EDIL3: variants seen among roughly 807,000 people sequenced by gnomAD.
EDIL3 encodes EGF like and discoidin domains 3.
EDIL3 carries 37 observed loss-of-function variants against 67.4 expected under a neutral mutation model. The ratio of observed to expected loss-of-function variants is 0.55; its 90% confidence interval spans 0.42 to 0.72. The LOEUF (loss-of-function observed/expected upper bound fraction) is 0.72. Ranked by LOEUF, EDIL3 falls within the 30% of genes least tolerant of loss-of-function variation. The probability of loss-of-function intolerance (pLI) is 0.00; values close to 1 mark genes in which losing one functional copy is unlikely to be tolerated. For missense variants in EDIL3, 527 were observed against 586.3 expected (o/e 0.90, Z 1.04); for synonymous variants, 195 against 196.3 (o/e 0.99, Z 0.05).
chr5:84,185,884 T>C (rs895551189), intron 3 of EDIL3, among the ~76,000 whole-genome samples: 2 of 152,130 alleles, frequency 1.3e-5, no homozygotes, highest in African/African-American at 2.4e-5. Flanking sequence ...ATAATCTCAT[T>C]AACTGTTTGA....
chr5:84,054,260 T>C (rs1450054198), intron 9 of EDIL3, among the ~76,000 whole-genome samples: 2 of 152,156 alleles, frequency 1.3e-5, no homozygotes, highest in Admixed American at 6.5e-5. Context: ...TTTCAACAAC[T>C]CTTCATGCTA....
intron 4 of EDIL3, among the ~76,000 whole-genome samples, chr5:84,161,145 T>A (rs1050179134): frequency 7.9e-5 from 12 of 152,044 alleles, no homozygotes; most frequent in African/African-American, 2.9e-4. Flanking sequence ...TCTAATACCA[T>A]CCAGGCTGTT....
intron 5 of EDIL3, among the ~76,000 whole-genome samples, chr5:84,127,355 TA>T (rs945868318): frequency 6.6e-6 from 1 of 152,136 alleles, no homozygotes; most frequent in African/African-American, 2.4e-5. Flanking sequence ...TTTGGAGCTC[TA>T]AAAAGAACGT....
chr5:84,126,774 T>C (rs1747876690), intron 5 of EDIL3, among the ~76,000 whole-genome samples: 1 of 152,110 alleles, frequency 6.6e-6, no homozygotes, highest in Non-Finnish European at 1.5e-5. Flanking sequence ...TTGCGATCCT[T>C]ACCTAGGGTT....
chr5:84,193,935 A>T (rs1402056498), intron 3 of EDIL3, among the ~76,000 whole-genome samples: 1 of 152,014 alleles, frequency 6.6e-6, no homozygotes, highest in African/African-American at 2.4e-5. Flanking sequence ...ACATTTTAGG[A>T]GAAAATGTTC....
At chr5:84,355,518 G>A (rs1411770733) in intron 1 of EDIL3, among the ~76,000 whole-genome samples, 2 of 151,994 alleles carry the variant, frequency 1.3e-5, no homozygotes, top group Non-Finnish European at 2.9e-5. Context: ...CAGTTTGTTG[G>A]TTTTCCTTTT....
At chr5:84,231,735 G>A (rs565592661) in intron 2 of EDIL3, among the ~76,000 whole-genome samples, 6 of 152,234 alleles carry the variant, frequency 3.9e-5, no homozygotes, top group South Asian at 4.1e-4. Flanking sequence ...GCTGTTTGCC[G>A]CTTTATCATG....
chr5:84,023,396 G>A (rs905307497), intron 9 of EDIL3, among the ~76,000 whole-genome samples: 11 of 151,854 alleles, frequency 7.2e-5, no homozygotes, highest in Non-Finnish European at 1.5e-4. Flanking sequence ...AATTACCTTT[G>A]ACACATCTTT....
intron 5 of EDIL3, among the ~76,000 whole-genome samples, chr5:84,127,419 A>G (rs1359924792): frequency 6.6e-6 from 1 of 152,120 alleles, no homozygotes; most frequent in Non-Finnish European, 1.5e-5. Flanking sequence ...ATTTCTTTTT[A>G]GGACTTTAGT....
At chr5:84,024,636 T>C (rs1472397593) in intron 9 of EDIL3, among the ~76,000 whole-genome samples, 1 of 152,106 alleles carries the variant, frequency 6.6e-6, no homozygotes, top group East Asian at 1.9e-4. Flanking sequence ...GTTTCTATCA[T>C]GAATCTCTGA....
intron 1 of EDIL3, among the ~76,000 whole-genome samples, chr5:84,330,368 A>G (rs1013634403): frequency 2.6e-5 from 4 of 152,172 alleles, no homozygotes; most frequent in African/African-American, 9.6e-5. Context: ...TGCAATTATT[A>G]TGGAAGAATT....
intron 4 of EDIL3, among the ~76,000 whole-genome samples, chr5:84,174,895 A>G (rs887211663): frequency 1.3e-5 from 2 of 152,154 alleles, no homozygotes; most frequent in African/African-American, 4.8e-5. Flanking sequence ...CCCTGGGGAA[A>G]TCACGGAAGA....
intron 4 of EDIL3, among the ~76,000 whole-genome samples, chr5:84,140,138 T>C (rs996024426): frequency 1.3e-5 from 2 of 152,150 alleles, no homozygotes; most frequent in African/African-American, 4.8e-5. Flanking sequence ...ATATGTGAGA[T>C]GGACTTGAGA....
intron 9 of EDIL3, among the ~76,000 whole-genome samples, chr5:84,053,829 C>CA (rs935579122): frequency 2.0e-5 from 3 of 151,960 alleles, no homozygotes; most frequent in African/African-American, 7.3e-5. Context: ...GCTTACCAAC[C>CA]AAAAAAAGTC....
chr5:84,116,191 C>A (rs375633074), intron 5 of EDIL3, among the ~76,000 whole-genome samples: 715 of 116,024 alleles, frequency 6.2e-3, no homozygotes, highest in Middle Eastern at 0.024. Context: ...TTCCAGAGGT[C>A]AAAAAAAAAA....
chr5:84,150,825 A>G (rs982761059), intron 4 of EDIL3, among the ~76,000 whole-genome samples: 1 of 152,182 alleles, frequency 6.6e-6, no homozygotes, highest in African/African-American at 2.4e-5. Flanking sequence ...ACTTGTATGG[A>G]TGTTCATAGC....
chr5:84,183,539 G>A (rs164065), intron 3 of EDIL3, among the ~76,000 whole-genome samples: 58,446 of 151,924 alleles, frequency 0.38, 11,480 homozygotes, highest in South Asian at 0.49. Context: ...CAACTTTCCA[G>A]TTTTGCAGGT....
At chr5:83,944,339 T>A (rs1744275802) in intron 10 of EDIL3, among the ~76,000 whole-genome samples, 1 of 151,816 alleles carries the variant, frequency 6.6e-6, no homozygotes, top group Non-Finnish European at 1.5e-5. Context: ...ATATGACTTA[T>A]AATATCCTGA....
intron 1 of EDIL3, among the ~76,000 whole-genome samples, chr5:84,325,117 A>G (rs796076801): frequency 6.6e-6 from 1 of 151,938 alleles, no homozygotes; most frequent in South Asian, 2.1e-4. Context: ...ACATCAAAAG[A>G]AAAAATAGAC....
Sources: gnomAD v4.1 joint callset for allele counts (sites outside exome capture counted in the v4.1 genomes callset) on GRCh38, gnomAD v4.1.1 for gene constraint, MANE v1.5 for transcripts, NCBI Gene and HGNC (gene_info 2026-07-23, HGNC 2026-07-21) for gene names.